TRERF1: variants seen among roughly 807,000 people sequenced by gnomAD.
TRERF1 encodes the protein transcriptional-regulating factor 1.
A neutral mutation model predicts 122.9 loss-of-function variants in TRERF1; 27 were observed. That is an observed-to-expected ratio of 0.22 (90% CI 0.16 to 0.30). The LOEUF (loss-of-function observed/expected upper bound fraction) is 0.30, where lower values mean the gene tolerates loss of function less well. TRERF1 is among the 10% of genes least tolerant of loss of function. TRERF1 has a pLI of 1.00. For synonymous variants in TRERF1, 636 were observed against 641.7 expected (o/e 0.99, Z 0.13); for missense variants, 1,248 against 1,560.3 (o/e 0.80, Z 3.37).
intron 17 of TRERF1, among the ~76,000 whole-genome samples, chr6:42,229,164 G>A (rs1770031026): frequency 6.6e-6 from 1 of 152,146 alleles, no homozygotes; most frequent in African/African-American, 2.4e-5. Context: ...TAGAGACAGG[G>A]TGTCTCTCTA....
intron 3 of TRERF1, among the ~76,000 whole-genome samples, chr6:42,358,188 T>C (rs1047088823): frequency 1.3e-5 from 2 of 152,188 alleles, no homozygotes; most frequent in Non-Finnish European, 2.9e-5. Context: ...TAGGGTTAAA[T>C]AGTGGAAAAG....
chr6:42,257,254 C>A (rs143554954), intron 10 of TRERF1, 152 bp from the exon 11 acceptor site: 2 of 963,910 alleles, frequency 2.1e-6, no homozygotes. Context: ...AGATTCCACA[C>A]GTGGCCTTTT....
At chr6:42,335,286 G>A (rs1435735584) in intron 3 of TRERF1, among the ~76,000 whole-genome samples, 1 of 152,184 alleles carries the variant, frequency 6.6e-6, no homozygotes, top group African/African-American at 2.4e-5. Context: ...ATAGCTCGAG[G>A]TAGGGCATCC....
At chr6:42,274,893 T>C (rs1163211300) in intron 4 of TRERF1, among the ~76,000 whole-genome samples, 2 of 152,192 alleles carry the variant, frequency 1.3e-5, no homozygotes, top group African/African-American at 4.8e-5. Context: ...AATAAATGCC[T>C]GTAAATAAAG....
At chr6:42,248,955 A>G (rs1000519804) in intron 13 of TRERF1, among the ~76,000 whole-genome samples, 1 of 152,188 alleles carries the variant, frequency 6.6e-6, no homozygotes, top group Non-Finnish European at 1.5e-5. Flanking sequence ...CACAGAAAGG[A>G]ATCACCAACA....
intron 2 of TRERF1, among the ~76,000 whole-genome samples, chr6:42,395,119 T>A (rs1778371532): frequency 6.6e-6 from 1 of 152,138 alleles, no homozygotes; most frequent in Non-Finnish European, 1.5e-5. Context: ...GAAGAGCCCT[T>A]TGCAAAGAGT....
At chr6:42,451,056 G>C (rs1012067016) in intron 2 of TRERF1, 121 bp downstream of exon 2, 1 of 152,036 alleles carries the variant, frequency 6.6e-6, no homozygotes, top group Non-Finnish European at 1.5e-5. Flanking sequence ...AGTAAAGGGG[G>C]GGGAGACTTC....
intron 9 of TRERF1, among the ~76,000 whole-genome samples, chr6:42,258,638 G>A (rs1303338966): frequency 2.0e-5 from 3 of 152,178 alleles, no homozygotes; most frequent in Admixed American, 2.0e-4. Flanking sequence ...GCTGTGGCGC[G>A]ATGTCGGCTC....
intron 2 of TRERF1, among the ~76,000 whole-genome samples, chr6:42,418,495 T>G (rs191858116): frequency 1.5e-3 from 224 of 152,156 alleles, no homozygotes; most frequent in African/African-American, 5.2e-3. Context: ...GGTCTCGAAC[T>G]CCTGACATCA....
At chr6:42,284,647 G>A (rs9471831) in intron 4 of TRERF1, among the ~76,000 whole-genome samples, 35,101 of 152,144 alleles carry the variant, frequency 0.23, 4,151 homozygotes, top group East Asian at 0.32. Flanking sequence ...GACCAACACA[G>A]CCCGTGACTA....
intron 2 of TRERF1, among the ~76,000 whole-genome samples, chr6:42,400,214 A>T (rs1779189019): frequency 6.6e-6 from 1 of 152,200 alleles, no homozygotes; most frequent in Non-Finnish European, 1.5e-5. Flanking sequence ...AACCTCAGCC[A>T]GCTACACCCT....
intron 8 of TRERF1, among the ~76,000 whole-genome samples, chr6:42,262,809 T>A (rs1045435518): frequency 8.5e-5 from 13 of 152,166 alleles, no homozygotes; most frequent in Non-Finnish European, 1.6e-4. Flanking sequence ...AAGCAACTGG[T>A]AAGGCTGCTT....
At chr6:42,415,109 C>T (rs193161768) in intron 2 of TRERF1, among the ~76,000 whole-genome samples, 14 of 152,252 alleles carry the variant, frequency 9.2e-5, no homozygotes, top group Middle Eastern at 3.4e-3. Context: ...GTTACAAATG[C>T]CTTCTTATTG....
At chr6:42,248,541 T>C (rs1775200998) in intron 13 of TRERF1, among the ~76,000 whole-genome samples, 1 of 152,120 alleles carries the variant, frequency 6.6e-6, no homozygotes, top group African/African-American at 2.4e-5. Flanking sequence ...TTAGCAGAGA[T>C]GGGGATTCAC....
At chr6:42,248,782 CA>C (rs751704431) in intron 13 of TRERF1, among the ~76,000 whole-genome samples, 6 of 152,238 alleles carry the variant, frequency 3.9e-5, no homozygotes, top group Admixed American at 6.5e-5. Flanking sequence ...CACGGAGCCT[CA>C]GGGGGGCTGG....
rs1769319412 is a variant in TRERF1, at chr6:42,350,975, ACTCT to A, written c.-371+12018_-371+12021del. Among the ~76,000 whole-genome samples the A allele has an allele frequency of 2.0e-5, 3 of 151,104 alleles. No individual in the cohort carries two copies. In the Admixed American group the frequency reaches 2.0e-4, roughly 10 times the overall value. On this transcript the variant is annotated intron_variant, in intron 3 of 17. Coordinates refer to ENST00000372922, the Ensembl canonical transcript of TRERF1. ...CCAAAGAGGCAATTCTCTCTCTCTC[ACTCT>A]CTCCCTCTCTCTCACACACACAAAC...
At chr6:42,429,248 G>C (rs983344754) in intron 2 of TRERF1, among the ~76,000 whole-genome samples, 2 of 151,948 alleles carry the variant, frequency 1.3e-5, no homozygotes, top group African/African-American at 4.8e-5. Flanking sequence ...CTTCCATCCT[G>C]AGCACTGGTG....
At chr6:42,330,402 G>GA (rs1765051957) in intron 3 of TRERF1, among the ~76,000 whole-genome samples, 1 of 152,132 alleles carries the variant, frequency 6.6e-6, no homozygotes, top group South Asian at 2.1e-4. Flanking sequence ...TCTGACCCTG[G>GA]AGTCAAGTCT....
At chr6:42,428,826 C>T (rs1357574707) in intron 2 of TRERF1, among the ~76,000 whole-genome samples, 2 of 152,196 alleles carry the variant, frequency 1.3e-5, no homozygotes, top group Non-Finnish European at 2.9e-5. Context: ...TAAGCCACTT[C>T]CTCATGAAGC....
Sources: allele counts gnomAD v4.1 joint callset (sites outside exome capture counted in the v4.1 genomes callset), GRCh38; gene constraint gnomAD v4.1.1; transcripts MANE v1.5; gene names NCBI Gene and HGNC (gene_info 2026-07-23, HGNC 2026-07-21).